The following BABAM2 variants were observed in gnomAD, a reference collection of about 807,000 sequenced individuals.
The protein encoded by BABAM2 is BRISC and BRCA1 A complex member 2.
Under a neutral mutation model 54.7 loss-of-function variants are expected in BABAM2, and 31 were observed. The ratio of observed to expected loss-of-function variants is 0.57; its 90% CI spans 0.43 to 0.77. BABAM2 has a LOEUF of 0.77. BABAM2 is among the 30% of genes least tolerant of loss of function. The pLI is 0.00. For missense variants in BABAM2, 364 were observed against 455.8 expected, an observed-to-expected ratio of 0.80 and a Z score of 1.83; for synonymous variants, 167 against 162.9, an observed-to-expected ratio of 1.03 and a Z score of -0.19.
At position 28,322,465 on chromosome 2, in the gene BABAM2, G is replaced by C. The variant is rs1029177003; in HGVS notation, c.1089-15985G>C. Among the ~76,000 whole-genome samples the C allele has an allele frequency of 6.6e-6, 1 of 152,232 alleles. No individual in the cohort carries two copies. The highest frequency in any genetic ancestry group is 6.5e-5 in the Admixed American group (1 of 15,286). On this transcript the variant is annotated intron_variant, in intron 11 of 11. Coordinates refer to ENST00000379624, the MANE Select transcript of BABAM2 (RefSeq NM_199191.3). The surrounding 1 kb of genome is among the most constrained non-coding windows in gnomAD (Gnocchi z 4.1). ...GAAGAACCCTGTAACTCTTAGAGGC[G>C]CCTTTGAGCAACGCGCTCTCAAGGT...
intron 4 of BABAM2, chr2:28,013,251 A>C (rs1674526201): frequency 4.8e-6 from 2 of 414,200 alleles, no homozygotes; most frequent in Admixed American, 2.7e-5. Context: ...AGATTCTGAC[A>C]CCCTGGCACA....
chr2:28,223,949 A>G (rs1454630192), intron 7 of BABAM2, among the ~76,000 whole-genome samples: 2 of 152,066 alleles, frequency 1.3e-5, no homozygotes, highest in Non-Finnish European at 1.5e-5. Flanking sequence ...CTCTCTCCCC[A>G]AGAGAAATCT....
At chr2:28,210,605 A>C (rs1679357898) in intron 7 of BABAM2, among the ~76,000 whole-genome samples, 1 of 152,210 alleles carries the variant, frequency 6.6e-6, no homozygotes, top group South Asian at 2.1e-4. Context: ...TTCAATGAAA[A>C]AAGAATCATT....
chr2:28,066,783 G>A (rs1663627574), intron 6 of BABAM2, among the ~76,000 whole-genome samples: 1 of 152,108 alleles, frequency 6.6e-6, no homozygotes, highest in Non-Finnish European at 1.5e-5. Flanking sequence ...GACGCCACAG[G>A]GCCTTTTTTG....
intron 10 of BABAM2, among the ~76,000 whole-genome samples, chr2:28,277,519 G>C (rs1224855187): frequency 6.6e-6 from 1 of 152,142 alleles, no homozygotes; most frequent in South Asian, 2.1e-4. Flanking sequence ...AAAGAAACAT[G>C]GACATGGTTG....
chr2:28,078,591 T>C (rs1664892799), intron 6 of BABAM2, among the ~76,000 whole-genome samples: 2 of 152,162 alleles, frequency 1.3e-5, no homozygotes, highest in Non-Finnish European at 2.9e-5. Flanking sequence ...CTGGCAGGTC[T>C]TGGAACATGT....
At chr2:28,035,462 G>C (rs1248963276) in intron 5 of BABAM2, among the ~76,000 whole-genome samples, 1 of 152,078 alleles carries the variant, frequency 6.6e-6, no homozygotes, top group African/African-American at 2.4e-5. Context: ...TGCTGCTTGG[G>C]AGTTATGTCC....
At chr2:28,046,088 C>G (rs1406664279) in intron 6 of BABAM2, among the ~76,000 whole-genome samples, 1 of 152,122 alleles carries the variant, frequency 6.6e-6, no homozygotes, top group Non-Finnish European at 1.5e-5. Context: ...ATGAAAGACT[C>G]TCATATAAAT....
At chr2:28,052,553 G>A (rs1678080188) in intron 6 of BABAM2, among the ~76,000 whole-genome samples, 1 of 152,104 alleles carries the variant, frequency 6.6e-6, no homozygotes. Flanking sequence ...CTCCCAAAGT[G>A]CTGAGATTAT....
chr2:28,018,174 C>T (rs897335588), intron 4 of BABAM2, among the ~76,000 whole-genome samples: 6 of 152,154 alleles, frequency 3.9e-5, no homozygotes, highest in South Asian at 2.1e-4. Flanking sequence ...AAGTCCAATG[C>T]GTCATTCTTA....
intron 7 of BABAM2, among the ~76,000 whole-genome samples, chr2:28,146,909 C>G (rs960545338): frequency 6.6e-6 from 1 of 152,144 alleles, no homozygotes; most frequent in African/African-American, 2.4e-5. Flanking sequence ...AGTACTGAAA[C>G]TAAGGAAGTT....
chr2:28,106,677 C>T (rs1233626246), intron 6 of BABAM2, among the ~76,000 whole-genome samples: 1 of 152,174 alleles, frequency 6.6e-6, no homozygotes, highest in Non-Finnish European at 1.5e-5. Context: ...TTGATGTGTT[C>T]ACACTGATCA....
At chr2:27,971,597 A>G (rs1329434135) in intron 3 of BABAM2, among the ~76,000 whole-genome samples, 1 of 152,102 alleles carries the variant, frequency 6.6e-6, no homozygotes, top group Non-Finnish European at 1.5e-5. Flanking sequence ...AATAAATGTA[A>G]ATACATAGTG....
intron 6 of BABAM2, among the ~76,000 whole-genome samples, chr2:28,086,547 T>C (rs1441373816): frequency 6.6e-6 from 1 of 152,174 alleles, no homozygotes; most frequent in Non-Finnish European, 1.5e-5. Context: ...ACCTAGCAAA[T>C]AGTAACTTTT....
rs1688392871 is a variant in BABAM2 at position 28,304,901 on chromosome 2, CTCCTGAGCTCAGGCAA to C, written c.1088+6414_1088+6429del. On this transcript the variant is annotated intron_variant, in intron 11 of 11. Coordinates refer to ENST00000379624, the MANE Select transcript of BABAM2 (RefSeq NM_199191.3). This position sits in a 1 kb window ranked among gnomAD's most constrained non-coding sequence, Gnocchi z 4.0. Reference sequence around the variant, plus strand: ...CCATGTGGCCCAGGCTGGTCTTGAACTCCTGAGCTCAGGCAATCCACCTGCCTTGGCCTCCCAAAGC... The same window carrying C: ...CCATGTGGCCCAGGCTGGTCTTGAACTCCACCTGCCTTGGCCTCCCAAAGC... 6.7e-6 allele frequency among the ~76,000 whole-genome samples: 1 copy of C among 149,560 alleles called. No individual in the cohort carries two copies. The highest frequency in any genetic ancestry group is 1.9e-4 in the East Asian group (1 of 5,196).
intron 10 of BABAM2, among the ~76,000 whole-genome samples, chr2:28,263,451 A>T (rs1310038255): frequency 6.6e-6 from 1 of 152,202 alleles, no homozygotes; most frequent in Admixed American, 6.5e-5. Flanking sequence ...TGTTCCTAGC[A>T]GTTTACTAAA....
intron 6 of BABAM2, among the ~76,000 whole-genome samples, chr2:28,083,854 G>A (rs147400598): frequency 6.6e-6 from 1 of 152,264 alleles, no homozygotes; most frequent in Non-Finnish European, 1.5e-5. Context: ...TATTTATTGA[G>A]CACAGTGACC....
chr2:28,300,221 G>A (rs943540187), intron 11 of BABAM2, among the ~76,000 whole-genome samples: 5 of 152,192 alleles, frequency 3.3e-5, no homozygotes, highest in Non-Finnish European at 7.3e-5. Context: ...TTACAGGTGT[G>A]AGCCACTGCG....
At chr2:28,302,109 A>C (rs1354715216) in intron 11 of BABAM2, among the ~76,000 whole-genome samples, 1 of 152,116 alleles carries the variant, frequency 6.6e-6, no homozygotes, top group Non-Finnish European at 1.5e-5. Context: ...CATTCAACAT[A>C]ATTGTTTAAG....
Sources: allele counts gnomAD v4.1 joint callset (sites outside exome capture counted in the v4.1 genomes callset), GRCh38; gene constraint gnomAD v4.1.1; non-coding constraint Gnocchi (gnomAD v3.1); transcripts MANE v1.5; gene names NCBI Gene and HGNC (gene_info 2026-07-23, HGNC 2026-07-21).